Variants in NPAS3 observed in about 807,000 individuals in gnomAD.
NPAS3 encodes neuronal PAS domain-containing protein 3.
A neutral mutation model predicts 73.1 loss-of-function variants in NPAS3; 14 were observed. That is an observed-to-expected ratio of 0.19 (90% CI 0.13 to 0.30). The LOEUF (loss-of-function observed/expected upper bound fraction) is 0.30, where lower values mean the gene tolerates loss of function less well. Among genes scored for constraint, NPAS3 ranks in the 10% least tolerant of loss-of-function variants. The pLI is 1.00. For synonymous variants in NPAS3, 620 were observed against 541.5 expected (o/e 1.14, Z -2.01); for missense variants, 1,096 against 1,250.0 (o/e 0.88, Z 1.86).
At chr14:33,186,973 T>C (rs2045999907) in intron 2 of NPAS3, among the ~76,000 whole-genome samples, 2 of 152,178 alleles carry the variant, frequency 1.3e-5, no homozygotes, top group African/African-American at 4.8e-5. Flanking sequence ...ACAACAGAGT[T>C]AAACAGCCTA....
intron 7 of NPAS3, among the ~76,000 whole-genome samples, chr14:33,738,426 C>A (rs968143143): frequency 1.3e-5 from 2 of 152,160 alleles, no homozygotes; most frequent in African/African-American, 4.8e-5. Context: ...TTGAGACCTT[C>A]CCTCTGGGGC....
At chr14:33,067,562 A>G (rs1219079480) in intron 2 of NPAS3, among the ~76,000 whole-genome samples, 1 of 152,220 alleles carries the variant, frequency 6.6e-6, no homozygotes, top group Non-Finnish European at 1.5e-5. Context: ...GTAATGACCA[A>G]CAAGCTTGTA....
downstream of NPAS3, chr14:33,801,929 C>G (rs2063724398): frequency 6.6e-6 from 1 of 151,980 alleles, no homozygotes; most frequent in African/African-American, 2.4e-5. Flanking sequence ...TTAGTTAAGA[C>G]AAAGCCCTCA....
chr14:33,640,421 C>T (rs1384601158), intron 5 of NPAS3, among the ~76,000 whole-genome samples: 1 of 152,090 alleles, frequency 6.6e-6, no homozygotes, highest in Admixed American at 6.6e-5. Context: ...ATTTCTGAGA[C>T]TCTTTTATTC....
intron 3 of NPAS3, among the ~76,000 whole-genome samples, chr14:33,261,976 G>A (rs12884851): frequency 0.22 from 34,205 of 152,068 alleles, 4,163 homozygotes; most frequent in Non-Finnish European, 0.27. Context: ...AGGAGGTACA[G>A]CTCATCTAGA....
At chr14:33,607,263 A>C (rs1191836696) in intron 5 of NPAS3, among the ~76,000 whole-genome samples, 2 of 152,252 alleles carry the variant, frequency 1.3e-5, no homozygotes, top group Non-Finnish European at 2.9e-5. Flanking sequence ...AACTGGAAAC[A>C]TTCCAGACGT....
intron 1 of NPAS3, among the ~76,000 whole-genome samples, chr14:33,047,514 G>T (rs961434416): frequency 1.3e-5 from 2 of 152,108 alleles, no homozygotes; most frequent in Admixed American, 6.5e-5. Flanking sequence ...ATGAGCCTTG[G>T]ACACATGTTC....
chr14:33,036,228 G>A (rs534958863), intron 1 of NPAS3, among the ~76,000 whole-genome samples: 1 of 152,260 alleles, frequency 6.6e-6, no homozygotes, highest in South Asian at 2.1e-4. Flanking sequence ...CCTCAGTAGG[G>A]TAGGAAGCCC....
At chr14:33,766,415 A>C (rs1402344557) in intron 7 of NPAS3, among the ~76,000 whole-genome samples, 3 of 152,172 alleles carry the variant, frequency 2.0e-5, no homozygotes, top group Non-Finnish European at 2.9e-5. Context: ...GTGAAAGATC[A>C]TGGAGTCCCT....
intron 4 of NPAS3, among the ~76,000 whole-genome samples, chr14:33,401,549 G>T (rs770134708): frequency 5.3e-5 from 8 of 152,076 alleles, no homozygotes; most frequent in Admixed American, 3.9e-4. Flanking sequence ...CAGCTCAGCT[G>T]CATGCCTTTG....
intron 9 of NPAS3, 67 bp from the exon 10 acceptor site, chr14:33,793,830 A>T (rs1595627728): frequency 1.6e-5 from 3 of 192,804 alleles, no homozygotes; most frequent in South Asian, 1.2e-4. Context: ...TGCAGAGATA[A>T]AAAAAAAAAA....
At chr14:33,360,299 A>C (rs2045536586) in intron 3 of NPAS3, among the ~76,000 whole-genome samples, 1 of 151,238 alleles carries the variant, frequency 6.6e-6, no homozygotes, top group South Asian at 2.1e-4. Context: ...CTTTATTCTG[A>C]AGTCGCTTTA....
chr14:33,583,841 A>G (rs1396064147), intron 5 of NPAS3, among the ~76,000 whole-genome samples: 3 of 152,224 alleles, frequency 2.0e-5, no homozygotes, highest in Non-Finnish European at 4.4e-5. Context: ...TGACTTTGCC[A>G]TAGCTGAGAA....
chr14:33,136,589 T>G (rs914478377), intron 2 of NPAS3, among the ~76,000 whole-genome samples: 1 of 152,162 alleles, frequency 6.6e-6, no homozygotes, highest in Non-Finnish European at 1.5e-5. Flanking sequence ...GTGGTGAAAC[T>G]CACCCCAAGT....
intron 4 of NPAS3, among the ~76,000 whole-genome samples, chr14:33,404,729 T>C (rs2047590606): frequency 6.6e-6 from 1 of 152,134 alleles, no homozygotes; most frequent in South Asian, 2.1e-4. Context: ...GAATATATAA[T>C]GGACACTTTA....
chr14:33,257,874 A>G (rs2048835125), intron 3 of NPAS3, among the ~76,000 whole-genome samples: 1 of 152,126 alleles, frequency 6.6e-6, no homozygotes, highest in Non-Finnish European at 1.5e-5. Context: ...ATTTTATGCC[A>G]GTAATCATAA....
intron 3 of NPAS3, among the ~76,000 whole-genome samples, chr14:33,230,227 G>A (rs1481516391): frequency 2.0e-5 from 3 of 152,126 alleles, no homozygotes; most frequent in African/African-American, 4.8e-5. Context: ...TGCCAGAAGC[G>A]TTTACACAAC....
chr14:33,008,472 G>C (rs1012300700), intron 1 of NPAS3, among the ~76,000 whole-genome samples: 4 of 152,172 alleles, frequency 2.6e-5, no homozygotes, highest in African/African-American at 9.6e-5. Flanking sequence ...GATTATCTCT[G>C]AGCAGAGACT....
chr14:33,212,553 A>G (rs1952083), intron 2 of NPAS3, among the ~76,000 whole-genome samples: 143,983 of 152,214 alleles, frequency 0.95, 68,341 homozygotes, highest in Non-Finnish European at 0.98. Flanking sequence ...GCATCCAAAG[A>G]CATTAGTGTC....
Sources: gnomAD v4.1 joint callset for allele counts (sites outside exome capture counted in the v4.1 genomes callset) on GRCh38, gnomAD v4.1.1 for gene constraint, MANE v1.5 for transcripts, NCBI Gene and HGNC (gene_info 2026-07-23, HGNC 2026-07-21) for gene names.